The following AUTS2 variants were observed in gnomAD, a reference collection of about 807,000 sequenced individuals.
The protein encoded by AUTS2 is activator of transcription and developmental regulator AUTS2.
In AUTS2, 17 loss-of-function variants were observed where a neutral mutation model predicts 112.4. The ratio of observed to expected loss-of-function variants is 0.15; its 90% CI spans 0.10 to 0.23. The LOEUF (loss-of-function observed/expected upper bound fraction) is 0.23. Ranked by LOEUF, AUTS2 falls within the 10% of genes least tolerant of loss-of-function variation. The pLI is 1.00. For synonymous variants in AUTS2, 751 were observed against 702.7 expected, an observed-to-expected ratio of 1.07 and a Z score of -1.09; for missense variants, 1,510 against 1,701.6, an observed-to-expected ratio of 0.89 and a Z score of 1.98.
intron 4 of AUTS2, among the ~76,000 whole-genome samples, chr7:70,294,952 G>A (rs2129612480): frequency 6.6e-6 from 1 of 152,260 alleles, no homozygotes; most frequent in Admixed American, 6.5e-5. Flanking sequence ...ACATAGGCAA[G>A]AATAGTTTAC....
chr7:69,823,575 A>T (rs1304711891), intron 1 of AUTS2, among the ~76,000 whole-genome samples: 1 of 152,182 alleles, frequency 6.6e-6, no homozygotes, highest in Non-Finnish European at 1.5e-5. Context: ...TTGTGTACTT[A>T]ACTGTTGAGT....
At chr7:69,920,883 G>A (rs1469627958) in intron 2 of AUTS2, among the ~76,000 whole-genome samples, 9 of 152,164 alleles carry the variant, frequency 5.9e-5, no homozygotes, top group Non-Finnish European at 1.3e-4. Flanking sequence ...TCACCTCTGG[G>A]TTAATTACTT....
chr7:70,765,956 C>T (rs1245183149), intron 8 of AUTS2, among the ~76,000 whole-genome samples, 158 bp from the exon 9 acceptor site: 2 of 152,124 alleles, frequency 1.3e-5, no homozygotes, highest in Non-Finnish European at 2.9e-5. Flanking sequence ...GCCTTGGTCT[C>T]GTCTGCTTCA....
At chr7:70,182,693 C>T (rs765586800) in intron 4 of AUTS2, among the ~76,000 whole-genome samples, 14 of 151,816 alleles carry the variant, frequency 9.2e-5, no homozygotes, top group Non-Finnish European at 1.8e-4. Context: ...GCTTACTAAC[C>T]GAGCAACCAT....
intron 1 of AUTS2, among the ~76,000 whole-genome samples, chr7:69,883,501 C>T (rs1056367964): frequency 7.2e-5 from 11 of 152,140 alleles, no homozygotes; most frequent in South Asian, 6.2e-4. Context: ...CAGCTCTTCT[C>T]TCTCTTGACA....
chr7:70,343,848 G>A (rs1791380106), intron 4 of AUTS2, among the ~76,000 whole-genome samples: 1 of 152,096 alleles, frequency 6.6e-6, no homozygotes, highest in Non-Finnish European at 1.5e-5. Flanking sequence ...ATTGCTGTTA[G>A]GAAAGGAATG....
At chr7:69,711,154 C>A (rs1798306781) in intron 1 of AUTS2, among the ~76,000 whole-genome samples, 1 of 152,114 alleles carries the variant, frequency 6.6e-6, no homozygotes. Flanking sequence ...TTTTGAAATT[C>A]ATTTAGTACA....
intron 1 of AUTS2, among the ~76,000 whole-genome samples, chr7:69,774,797 T>G (rs1352345515): frequency 6.6e-6 from 1 of 152,238 alleles, no homozygotes. Context: ...TTTTCATCCC[T>G]GAAGATTCTG....
intron 5 of AUTS2, among the ~76,000 whole-genome samples, chr7:70,443,784 T>C (rs931341751): frequency 6.6e-6 from 1 of 152,236 alleles, no homozygotes; most frequent in Non-Finnish European, 1.5e-5. Flanking sequence ...TTAACTCTGA[T>C]GGAACTGTCA....
At chr7:69,634,500 T>A (rs1794426927) in intron 1 of AUTS2, among the ~76,000 whole-genome samples, 1 of 152,182 alleles carries the variant, frequency 6.6e-6, no homozygotes, top group Non-Finnish European at 1.5e-5. Flanking sequence ...ATCTTGTTAG[T>A]TATATTTGGG....
intron 17 of AUTS2, among the ~76,000 whole-genome samples, chr7:70,786,267 G>A (rs1451693671): frequency 1.3e-5 from 2 of 152,226 alleles, no homozygotes; most frequent in South Asian, 4.1e-4. Flanking sequence ...AGGAACGGCA[G>A]TGTAGTTGAT....
intron 2 of AUTS2, among the ~76,000 whole-genome samples, chr7:69,959,004 A>G (rs1797324822): frequency 6.6e-6 from 1 of 152,174 alleles, no homozygotes; most frequent in Non-Finnish European, 1.5e-5. Context: ...CACCTATGCA[A>G]AAGGAAATAC....
intron 4 of AUTS2, among the ~76,000 whole-genome samples, chr7:70,187,775 CT>C (rs71077627): frequency 0.076 from 8,363 of 110,210 alleles, 151 homozygotes; most frequent in African/African-American, 0.12. Flanking sequence ...AACTAGTCTT[CT>C]TTTTTTTTTT....
intron 2 of AUTS2, among the ~76,000 whole-genome samples, chr7:69,958,149 G>C (rs1376730372): frequency 1.3e-5 from 2 of 152,130 alleles, no homozygotes; most frequent in Non-Finnish European, 2.9e-5. Context: ...AACAGCAGGA[G>C]TTGGCAAACT....
chr7:69,770,719 A>G (rs80012565), intron 1 of AUTS2, among the ~76,000 whole-genome samples: 1 of 152,174 alleles, frequency 6.6e-6, no homozygotes, highest in Non-Finnish European at 1.5e-5. Context: ...CTAGAGGACA[A>G]CAGAAGGCTG....
intron 4 of AUTS2, among the ~76,000 whole-genome samples, chr7:70,359,774 C>T (rs1324408215): frequency 1.3e-5 from 2 of 152,144 alleles, no homozygotes; most frequent in East Asian, 3.9e-4. Flanking sequence ...GGAGACAAAC[C>T]ACATCCAAAA....
chr7:69,868,096 G>T (rs1017556339), intron 1 of AUTS2, among the ~76,000 whole-genome samples: 1 of 152,086 alleles, frequency 6.6e-6, no homozygotes, highest in African/African-American at 2.4e-5. Flanking sequence ...TTTATTGTGT[G>T]TTAAATATTC....
intron 1 of AUTS2, among the ~76,000 whole-genome samples, chr7:69,689,688 ATTTATTTG>A (rs1425346741): frequency 2.7e-4 from 14 of 51,396 alleles, no homozygotes; most frequent in African/African-American, 1.2e-3. Context: ...TTATTTATTT[ATTTATTTG>A]AGACAGAGTC....
chr7:70,679,057 A>G (rs1217803023), intron 5 of AUTS2, among the ~76,000 whole-genome samples: 2 of 152,180 alleles, frequency 1.3e-5, no homozygotes, highest in Non-Finnish European at 2.9e-5. Flanking sequence ...CCTGCATGGT[A>G]TATGTAATCA....
Sources: allele counts gnomAD v4.1 joint callset (sites outside exome capture counted in the v4.1 genomes callset), GRCh38; gene constraint gnomAD v4.1.1; transcripts MANE v1.5; gene names NCBI Gene and HGNC (gene_info 2026-07-23, HGNC 2026-07-21).